The following PRKG1 variants were observed in gnomAD, a reference collection of about 807,000 sequenced individuals.
PRKG1 encodes cGMP-dependent protein kinase 1.
In PRKG1, 35 loss-of-function variants were observed where a neutral mutation model predicts 88.1. The ratio of observed to expected loss-of-function variants is 0.40; its 90% CI spans 0.30 to 0.53. The LOEUF (loss-of-function observed/expected upper bound fraction) is 0.53. Ranked by LOEUF, PRKG1 falls within the 20% of genes least tolerant of loss-of-function variation. The pLI, the probability that PRKG1 is intolerant of heterozygous loss-of-function variation, is 0.59. For synonymous variants in PRKG1, 303 were observed against 292.5 expected (o/e 1.04, Z -0.37); for missense variants, 540 against 839.8 (o/e 0.64, Z 4.41).
rs1410606660 is a variant in PRKG1, at chr10:51,743,659, A to AAT, written c.593-60915_593-60914dup. 1.7e-4 allele frequency among the ~76,000 whole-genome samples: 23 copies of AAT among 136,960 alleles called. No individual in the cohort carries two copies. In the East Asian group the frequency reaches 3.6e-3, roughly 22 times the overall value. The allele number at this position is 136,960 out of a possible 152,430, so 89.9% of individuals were successfully genotyped here. A position where few individuals can be genotyped will look rare whatever the true frequency, so the allele number is the denominator to read the frequency against. On this transcript the variant is annotated intron_variant, in intron 3 of 17. Transcript: ENST00000373980. ...TTATATATATATATAATATAAACTAAATATATATATATTTATATATATATA... is the reference window on the plus strand; with the variant it reads ...TTATATATATATATAATATAAACTAAATATATATATATATTTATATATATATA...
rs561200656 is a variant in PRKG1, at chr10:51,990,253, G to T, written c.763-64231G>T. On this transcript the variant is annotated intron_variant, in intron 5 of 17. Coordinates refer to ENST00000373980, the MANE Select transcript of PRKG1 (RefSeq NM_006258.4). ...CTATGGCTTTGCAGTATAATTTAAGGTCAGGTACTGTGTTGCCTGTAGGTA... is the reference window on the plus strand; with the variant it reads ...CTATGGCTTTGCAGTATAATTTAAGTTCAGGTACTGTGTTGCCTGTAGGTA... Among the ~76,000 whole-genome samples, 34 of 152,184 alleles carry T rather than the reference G, an allele frequency of 2.2e-4. 1 individual carries two copies. The South Asian group carries it at 6.6e-3, about 30-fold the overall frequency.
intron 3 of PRKG1, among the ~76,000 whole-genome samples, chr10:51,584,891 A>G (rs1388289399): frequency 2.0e-5 from 3 of 152,104 alleles, no homozygotes; most frequent in Non-Finnish European, 4.4e-5. Context: ...AAAACTCTAT[A>G]ATAGCAATTC....
intron 3 of PRKG1, among the ~76,000 whole-genome samples, chr10:51,605,858 C>T (rs753949114): frequency 5.3e-5 from 8 of 152,084 alleles, no homozygotes; most frequent in Non-Finnish European, 1.0e-4. Context: ...ATGCAATGCT[C>T]ATTTACTTGC....
rs74135379 is a variant in PRKG1, at chr10:52,244,116, G to T, written c.1077-7454G>T. 8.1e-3 allele frequency among the ~76,000 whole-genome samples: 1,237 copies of T among 152,128 alleles called. 17 individuals carry two copies. Among genetic ancestry groups the T allele is most frequent in the African/African-American group, 0.028 (1,174 of 41,546 alleles). On this transcript the variant is annotated intron_variant, in intron 9 of 17. Coordinates refer to ENST00000373980, the MANE Select transcript of PRKG1 (RefSeq NM_006258.4). ...AAGTTATTCCTTCCACTGCTAAAAG[G>T]ATGGTGATTACACCTAGATGCTGTA...
chr10:51,815,750 A>T (rs1839568051), intron 4 of PRKG1, among the ~76,000 whole-genome samples: 1 of 152,192 alleles, frequency 6.6e-6, no homozygotes, highest in Non-Finnish European at 1.5e-5. Flanking sequence ...GATTTTACCA[A>T]GGCGAACTCT....
intron 5 of PRKG1, among the ~76,000 whole-genome samples, chr10:52,048,655 A>G (rs1415228069): frequency 2.0e-5 from 3 of 152,172 alleles, no homozygotes; most frequent in Admixed American, 2.0e-4. Flanking sequence ...GCAAAGGCAC[A>G]CAATATTAAC....
intron 9 of PRKG1, chr10:52,185,088 A>G (rs1839155633): frequency 6.6e-6 from 1 of 152,230 alleles, no homozygotes; most frequent in Admixed American, 6.5e-5. Flanking sequence ...TAGTCCCCCA[A>G]AGTCTTACCT....
intron 2 of PRKG1, among the ~76,000 whole-genome samples, chr10:51,393,878 G>C (rs915743902): frequency 2.0e-5 from 3 of 151,994 alleles, no homozygotes; most frequent in African/African-American, 7.3e-5. Context: ...TGTACTATTT[G>C]GGGGTATATA....
chr10:52,002,695 A>T (rs1844629764), intron 5 of PRKG1, among the ~76,000 whole-genome samples: 1 of 152,172 alleles, frequency 6.6e-6, no homozygotes, highest in Non-Finnish European at 1.5e-5. Context: ...GAACTAGGGA[A>T]GATGTAAAAG....
chr10:51,904,861 T>C (rs1380039326), intron 4 of PRKG1, among the ~76,000 whole-genome samples: 1 of 152,152 alleles, frequency 6.6e-6, no homozygotes, highest in Non-Finnish European at 1.5e-5. Flanking sequence ...TATAGTCAAG[T>C]AAATTTCTTC....
At chr10:51,778,563 A>G (rs1259295404) in intron 3 of PRKG1, among the ~76,000 whole-genome samples, 1 of 152,218 alleles carries the variant, frequency 6.6e-6, no homozygotes, top group African/African-American at 2.4e-5. Context: ...AAAGAAGAGA[A>G]CATAATTTTA....
At chr10:51,730,499 CT>C (rs973953232) in intron 3 of PRKG1, among the ~76,000 whole-genome samples, 95 of 152,084 alleles carry the variant, frequency 6.2e-4, no homozygotes, top group African/African-American at 2.1e-3. Flanking sequence ...TTTTTTCTTT[CT>C]TTTCCCCCCT....
chr10:51,274,130 G>T (rs1840053853), intron 2 of PRKG1, among the ~76,000 whole-genome samples: 1 of 152,026 alleles, frequency 6.6e-6, no homozygotes, highest in Non-Finnish European at 1.5e-5. Context: ...ACACCTTCCT[G>T]GTGTCATAAT....
rs144595454 is a variant in PRKG1, at chr10:51,372,025, C to A, written c.479-95698C>A. 1.4e-4 allele frequency among the ~76,000 whole-genome samples: 21 copies of A among 152,214 alleles called. No homozygotes were observed. In the East Asian group the frequency reaches 3.3e-3, roughly 24 times the overall value. On this transcript the variant is annotated intron_variant, in intron 2 of 17. Transcript: ENST00000373980. ...GAAGAAATGGAAGAAAAGTCAAAACCTGCATCATTTCCAGTTTTCTATACG... is the reference window on the plus strand; with the variant it reads ...GAAGAAATGGAAGAAAAGTCAAAACATGCATCATTTCCAGTTTTCTATACG...
intron 7 of PRKG1, among the ~76,000 whole-genome samples, chr10:52,114,578 A>T (rs1273339213): frequency 6.6e-6 from 1 of 151,798 alleles, no homozygotes; most frequent in Non-Finnish European, 1.5e-5. Flanking sequence ...ATATGTTTTC[A>T]CTTTTAAGCA....
chr10:51,933,115 G>A (rs1304709984), intron 5 of PRKG1, among the ~76,000 whole-genome samples: 2 of 152,090 alleles, frequency 1.3e-5, no homozygotes, highest in Admixed American at 6.6e-5. Flanking sequence ...AAGATGTCAT[G>A]TGCGGACTAT....
chr10:51,298,965 G>A (rs1840797841), intron 2 of PRKG1, among the ~76,000 whole-genome samples: 1 of 152,136 alleles, frequency 6.6e-6, no homozygotes, highest in African/African-American at 2.4e-5. Context: ...TGTTTTCCTG[G>A]TATTTAAGTG....
Position 51,074,815 on chromosome 10 carries a change from G to A in PRKG1, c.225G>A (p.Lys75=). Residue 75 remains lysine (K), a synonymous_variant, in exon 1 of 18, where the codon AAG becomes AAA. Coordinates refer to ENST00000373980, the MANE Select transcript of PRKG1 (RefSeq NM_006258.4). ...CCTTGCAGGGCGAGCCGCGCACCAA[G>A]CGGCAGGCGATCTCCGCCGAGCCCA... ...ASTLQGEPRT[K]RQAISAEPTA... is the part of the protein sequence containing the mutation. The A allele has an allele frequency of 6.2e-7, 1 of 1,613,736 alleles. No individual in the cohort carries two copies. The highest frequency in any genetic ancestry group is 1.1e-5 in the South Asian group (1 of 91,036).
At chr10:51,038,908 A>AT (rs1843386219) in intron 1 of PRKG1, among the ~76,000 whole-genome samples, 1 of 152,182 alleles carries the variant, frequency 6.6e-6, no homozygotes, top group African/African-American at 2.4e-5. Context: ...TGTACCCACA[A>AT]TTTTTTTAAA....
Sources: gnomAD v4.1 joint callset for allele counts (sites outside exome capture counted in the v4.1 genomes callset) on GRCh38, gnomAD v4.1.1 for gene constraint, MANE v1.5 for transcripts, NCBI Gene and HGNC (gene_info 2026-07-23, HGNC 2026-07-21) for gene names.